Variants in ZC3H12C observed in about 807,000 individuals in gnomAD.
ZC3H12C encodes the protein probable ribonuclease ZC3H12C.
In ZC3H12C, 20 loss-of-function variants were observed where a neutral mutation model predicts 76.3. That is an observed-to-expected ratio of 0.26 (90% CI 0.18 to 0.38). ZC3H12C has a LOEUF of 0.38. ZC3H12C is among the 10% of genes least tolerant of loss of function. ZC3H12C has a pLI of 1.00. For missense variants in ZC3H12C, 874 were observed against 1,086.5 expected (o/e 0.80, Z 2.75); for synonymous variants, 352 against 399.6 (o/e 0.88, Z 1.42).
At chr11:110,143,778 TCCCACAAGTGCCA>T in intron 2 of ZC3H12C, among the ~76,000 whole-genome samples, 1 of 152,226 alleles carries the variant, frequency 6.6e-6, no homozygotes, top group South Asian at 2.1e-4. Flanking sequence ...CACCTAAGCC[TCCCACAAGTGCCA>T]GGATTACAGG....
Position 110,164,868 on chromosome 11 carries a change from G to A in ZC3H12C, c.1783G>A (p.Ala595Thr). Residue 595 changes from alanine to threonine, a missense_variant, in exon 6 of 6, where the codon GCA becomes ACA. Ala to Thr is a moderately conservative substitution (Grantham distance 58, BLOSUM62 0). Transcript: ENST00000278590. This position sits in a 1 kb window ranked among gnomAD's most constrained non-coding sequence, Gnocchi z 5.7. ...VDIGYYSMLN[A>T]YSNLSLSGPR... ...CATCGGATATTATTCCATGTTGAAT[G>A]CATACTCAAATCTGAGTCTCTCAGG... 2 of 1,613,946 alleles carry A rather than the reference G, an allele frequency of 1.2e-6. No individual in the cohort carries two copies. The highest frequency in any genetic ancestry group is 1.3e-5 in the African/African-American group (1 of 75,016).
chr11:110,163,142 G>A (rs887739239), intron 4 of ZC3H12C, 131 bp from the exon 5 acceptor site: 40 of 636,406 alleles, frequency 6.3e-5, no homozygotes, highest in African/African-American at 2.0e-4. Flanking sequence ...CTCTGTAAAC[G>A]TGGAATCAAA....
chr11:110,117,198 C>A (rs938410797), intron 1 of ZC3H12C, among the ~76,000 whole-genome samples: 1 of 152,174 alleles, frequency 6.6e-6, no homozygotes, highest in Non-Finnish European at 1.5e-5. Context: ...AAGAAAGTGA[C>A]AAGCCATTCT....
chr11:110,097,416 T>C (rs1232495504), intron 1 of ZC3H12C, among the ~76,000 whole-genome samples: 1 of 152,198 alleles, frequency 6.6e-6, no homozygotes, highest in Non-Finnish European at 1.5e-5. Context: ...TTTTAAACTA[T>C]CTTCCCTCAC....
chr11:110,130,978 T>C, intron 1 of ZC3H12C: 1 of 1,500,246 alleles, frequency 6.7e-7, no homozygotes, highest in South Asian at 1.2e-5. Flanking sequence ...AGCAAAGACA[T>C]TACCATTCCA....
intron 1 of ZC3H12C, among the ~76,000 whole-genome samples, chr11:110,122,491 C>T (rs927973059): frequency 6.6e-6 from 1 of 152,042 alleles, no homozygotes; most frequent in African/African-American, 2.4e-5. Context: ...TATGTTCCAC[C>T]ACCCACAGTG....
chr11:110,139,605 T>C (rs1417758910), intron 2 of ZC3H12C, among the ~76,000 whole-genome samples: 1 of 152,196 alleles, frequency 6.6e-6, no homozygotes. Context: ...TTCCCAAACT[T>C]GACCACAAAA....
At chr11:110,105,385 G>T (rs142219285) in intron 1 of ZC3H12C, among the ~76,000 whole-genome samples, 1 of 152,194 alleles carries the variant, frequency 6.6e-6, no homozygotes, top group East Asian at 1.9e-4. Context: ...TTCTAGTTTT[G>T]CTAAGATAGA....
In ZC3H12C at chr11:110,171,325, G is replaced by T. The variant is rs966034290; in HGVS notation, c.*5588G>T. 6.6e-6 allele frequency: 1 copy of T among 152,130 alleles called. No homozygotes were observed. The highest frequency in any genetic ancestry group is 1.5e-5 in the Non-Finnish European group (1 of 68,028). 9.4% of individuals were successfully genotyped at this position (152,130 alleles called of 1,614,324 possible). A position where few individuals can be genotyped will look rare whatever the true frequency, so the allele number is the denominator to read the frequency against. On this transcript the variant is annotated 3_prime_UTR_variant, in exon 6 of 6. Coordinates refer to ENST00000278590, the MANE Select transcript of ZC3H12C (RefSeq NM_033390.2). ...AAGCATTTCACTGCACGTGTACCAG[G>T]TTATTGATTTTATCTTTTCCTTTCA...
Position 110,147,756 on chromosome 11 carries a change from C to T in ZC3H12C, c.774-5163C>T, listed in dbSNP as rs144534914. Among the ~76,000 whole-genome samples, 887 of 152,282 alleles carry T rather than the reference C, an allele frequency of 5.8e-3. 2 individuals are homozygous for T. Among genetic ancestry groups the T allele is most frequent in the Non-Finnish European group, 9.7e-3 (657 of 68,022 alleles). On this transcript the variant is annotated intron_variant, in intron 2 of 5. Transcript: ENST00000278590. ...AGTTACCAACGCAACCATTTGCCAA[C>T]CTAATACCTTAATTCTAGGACAGTC...
At chr11:110,163,804 A>C (rs1862524582) in intron 5 of ZC3H12C, among the ~76,000 whole-genome samples, 1 of 152,128 alleles carries the variant, frequency 6.6e-6, no homozygotes, top group East Asian at 1.9e-4. Flanking sequence ...TATTAGCCAA[A>C]AGTTCTGGAA....
rs1476761609 is a variant in ZC3H12C, at chr11:110,165,598, G to A, written c.2513G>A (p.Arg838Gln). The stretch of plus-strand genomic sequence containing the variant: ...GATCCCCCGAGGTATCAAGACAACC[G>A]AGAAAAGATTTATATCAATTTGTGC... Reference protein sequence around the residue: ...PQDPPRYQDNREKIYINLCNI... With the variant: ...PQDPPRYQDNQEKIYINLCNI... The change falls in exon 6 of 6, where the codon CGA becomes CAA. Residue 838 changes from arginine (R) to glutamine (Q), a missense_variant. This residue lies in a region of ZC3H12C where 395 missense variants were observed against 434.4 expected (regional missense o/e 0.91). Coordinates refer to ENST00000278590, the MANE Select transcript of ZC3H12C (RefSeq NM_033390.2). 3 of 1,606,736 alleles carry A rather than the reference G, an allele frequency of 1.9e-6. No individual in the cohort carries two copies. Among genetic ancestry groups the A allele is most frequent in the Admixed American group, 1.7e-5 (1 of 58,828 alleles).
chr11:110,118,041 T>TACACATATATATTATATATATAC (rs1565252555), intron 1 of ZC3H12C, among the ~76,000 whole-genome samples: 1 of 79,950 alleles, frequency 1.3e-5, no homozygotes, highest in African/African-American at 4.5e-5. Context: ...TATATATATA[T>TACACATATATATTATATATATAC]ACACATATAT....
At chr11:110,125,159 G>A (rs923428822) in intron 1 of ZC3H12C, among the ~76,000 whole-genome samples, 3 of 151,998 alleles carry the variant, frequency 2.0e-5, no homozygotes, top group South Asian at 2.1e-4. Context: ...ATGTGAAAAC[G>A]GAAGCCAAGC....
chr11:110,105,497 A>G (rs1429366795), intron 1 of ZC3H12C, among the ~76,000 whole-genome samples: 1 of 152,168 alleles, frequency 6.6e-6, no homozygotes, highest in African/African-American at 2.4e-5. Context: ...CTACATTTCT[A>G]TTACTTTGAC....
At chr11:110,130,990 C>G in intron 1 of ZC3H12C, 1 of 1,521,064 alleles carries the variant, frequency 6.6e-7, no homozygotes, top group South Asian at 1.2e-5. Context: ...ACCATTCCAT[C>G]TGTTCAACCA....
rs947721300 is a variant in ZC3H12C at position 110,134,915 on chromosome 11, A to G, written c.22-1748A>G. ...CATGTTCTCTTCTCTAGTATTTACC[A>G]TAGTTAATAAAATGTATTTCATTAC... On this transcript the variant is annotated intron_variant, in intron 1 of 5. Coordinates refer to ENST00000278590, the MANE Select transcript of ZC3H12C (RefSeq NM_033390.2). 7.2e-5 allele frequency among the ~76,000 whole-genome samples: 11 copies of G among 152,230 alleles called. 1 individual carries two copies. Among genetic ancestry groups the G allele is most frequent in the Admixed American group, 3.3e-4 (5 of 15,282 alleles).
At chr11:110,121,856 TC>T (rs1861656304) in intron 1 of ZC3H12C, among the ~76,000 whole-genome samples, 1 of 152,188 alleles carries the variant, frequency 6.6e-6, no homozygotes, top group Non-Finnish European at 1.5e-5. Flanking sequence ...TTGGATTATT[TC>T]CCATATACCA....
intron 2 of ZC3H12C, among the ~76,000 whole-genome samples, chr11:110,145,100 A>G (rs1321920665): frequency 6.6e-6 from 1 of 152,196 alleles, no homozygotes; most frequent in Admixed American, 6.5e-5. Flanking sequence ...TTTTCTCTGC[A>G]TTACAAAACC....
Sources: gnomAD v4.1 joint callset for allele counts (sites outside exome capture counted in the v4.1 genomes callset) on GRCh38, gnomAD v4.1.1 for gene constraint, gnomAD v4.1.1 regional missense constraint, Gnocchi (gnomAD v3.1) non-coding constraint, MANE v1.5 for transcripts, NCBI Gene and HGNC (gene_info 2026-07-23, HGNC 2026-07-21) for gene names.